Variants in SPIDR observed in about 807,000 individuals in gnomAD.
The protein encoded by SPIDR is DNA repair-scaffolding protein.
A neutral mutation model predicts 104.6 loss-of-function variants in SPIDR; 93 were observed. That is an observed-to-expected ratio of 0.89 (90% CI 0.75 to 1.06). The LOEUF (loss-of-function observed/expected upper bound fraction) is 1.06. Ranked by LOEUF, SPIDR falls within the 50% of genes least tolerant of loss-of-function variation. The pLI is 0.00. For missense variants in SPIDR, 1,154 were observed against 1,111.2 expected (o/e 1.04, Z -0.55); for synonymous variants, 431 against 416.9 (o/e 1.03, Z -0.41).
At chr8:47,321,311 G>C (rs1241067148) in intron 5 of SPIDR, among the ~76,000 whole-genome samples, 3 of 152,072 alleles carry the variant, frequency 2.0e-5, no homozygotes, top group African/African-American at 7.3e-5. Context: ...CAGAGAAAGA[G>C]AGAGCCAAAT....
chr8:47,406,797 G>A (rs1168997821), intron 6 of SPIDR, among the ~76,000 whole-genome samples: 1 of 152,152 alleles, frequency 6.6e-6, no homozygotes, highest in Non-Finnish European at 1.5e-5. Context: ...TTCCTCATCT[G>A]GTTAGTTACG....
chr8:47,393,723 CT>C (rs1235017005), intron 5 of SPIDR, among the ~76,000 whole-genome samples: 10 of 75,520 alleles, frequency 1.3e-4, no homozygotes, highest in African/African-American at 1.6e-4. Flanking sequence ...CTTTCCTTTC[CT>C]TTCCTTTCCT....
At chr8:47,472,446 G>A (rs535611671) in intron 8 of SPIDR, among the ~76,000 whole-genome samples, 48 of 152,314 alleles carry the variant, frequency 3.2e-4, no homozygotes, top group Admixed American at 2.8e-3. Context: ...TCTGGGTTAA[G>A]GGGCCAGTGG....
At chr8:47,711,039 C>T (rs921779445) in intron 14 of SPIDR, among the ~76,000 whole-genome samples, 5 of 152,198 alleles carry the variant, frequency 3.3e-5, no homozygotes, top group African/African-American at 1.2e-4. Flanking sequence ...GCTGGGATTA[C>T]AGGTATGAGC....
chr8:47,486,388 G>C (rs2077620948), intron 8 of SPIDR, among the ~76,000 whole-genome samples: 1 of 152,218 alleles, frequency 6.6e-6, no homozygotes, highest in African/African-American at 2.4e-5. Flanking sequence ...TGGTGTACCT[G>C]AAAGTGACGG....
intron 14 of SPIDR, among the ~76,000 whole-genome samples, chr8:47,704,545 C>A (rs1408759801): frequency 6.6e-6 from 1 of 152,206 alleles, no homozygotes; most frequent in Non-Finnish European, 1.5e-5. Flanking sequence ...CACCCCCACC[C>A]CCAACCACAT....
At chr8:47,295,944 C>T (rs1048374512) in intron 5 of SPIDR, among the ~76,000 whole-genome samples, 4 of 152,178 alleles carry the variant, frequency 2.6e-5, no homozygotes, top group South Asian at 4.1e-4. Context: ...CACTCACCAA[C>T]GCTTGTTATC....
At position 47,378,950 on chromosome 8, in the gene SPIDR, C is replaced by A. The variant is rs564677900; in HGVS notation, c.526-17426C>A. 2.2e-4 allele frequency among the ~76,000 whole-genome samples: 33 copies of A among 152,274 alleles called. No homozygotes were observed. In the East Asian group the frequency reaches 6.2e-3, roughly 29 times the overall value. ...AGATGTAAATCTCTAAAGAGCAGAA[C>A]CTATATTTTATTCATCTTTATAGTC... On this transcript the variant is annotated intron_variant, in intron 5 of 19. Transcript: ENST00000297423.
chr8:47,363,571 G>A (rs554015716), intron 5 of SPIDR, among the ~76,000 whole-genome samples: 1 of 151,436 alleles, frequency 6.6e-6, no homozygotes, highest in African/African-American at 2.4e-5. Flanking sequence ...CCTTCTTCCC[G>A]CCCCAGGCTC....
chr8:47,631,142 A>G (rs903764264), intron 10 of SPIDR, among the ~76,000 whole-genome samples: 8 of 152,198 alleles, frequency 5.3e-5, no homozygotes, highest in African/African-American at 1.9e-4. Context: ...TGGTAGAGGC[A>G]GAAAATAAGC....
chr8:47,553,551 G>T (rs1462064111), intron 8 of SPIDR, among the ~76,000 whole-genome samples: 1 of 152,164 alleles, frequency 6.6e-6, no homozygotes, highest in Non-Finnish European at 1.5e-5. Context: ...TCTGAAGCTT[G>T]TGTGTGCATC....
intron 5 of SPIDR, among the ~76,000 whole-genome samples, chr8:47,379,955 C>T (rs1416983767): frequency 6.6e-6 from 1 of 152,176 alleles, no homozygotes; most frequent in Admixed American, 6.5e-5. Context: ...AAATTTGCTA[C>T]CTTCTCAGGA....
rs1428039157 is a variant in SPIDR at position 47,670,047 on chromosome 8, G to A, written c.1545-3754G>A. Among the ~76,000 whole-genome samples the A allele has an allele frequency of 2.6e-5, 4 of 151,978 alleles. No homozygotes were observed. In the East Asian group the frequency reaches 7.7e-4, roughly 29 times the overall value. On this transcript the variant is annotated intron_variant, in intron 10 of 19. Transcript: ENST00000297423. ...AAATAACATTTAAAGCAAAGTCTTGGGGGTATCAGTAGGAGATGACCAGGC... is the reference window on the plus strand; with the variant it reads ...AAATAACATTTAAAGCAAAGTCTTGAGGGTATCAGTAGGAGATGACCAGGC...
At chr8:47,581,759 GGGA>G (rs1328631983) in intron 8 of SPIDR, among the ~76,000 whole-genome samples, 5 of 152,250 alleles carry the variant, frequency 3.3e-5, no homozygotes, top group South Asian at 2.1e-4. Context: ...AAGGAAAAAA[GGGA>G]GGAGAAGGAA....
intron 1 of SPIDR, among the ~76,000 whole-genome samples, chr8:47,269,213 T>C (rs1586084526): frequency 2.2e-5 from 3 of 135,522 alleles, no homozygotes; most frequent in Non-Finnish European, 4.7e-5. Context: ...GCTTCAGTGA[T>C]CCATGATCGT....
intron 8 of SPIDR, among the ~76,000 whole-genome samples, chr8:47,443,806 G>A (rs2069978251): frequency 6.6e-6 from 1 of 151,070 alleles, no homozygotes; most frequent in African/African-American, 2.4e-5. Context: ...AGATACTCCT[G>A]TTGGTCCTGT....
intron 8 of SPIDR, among the ~76,000 whole-genome samples, chr8:47,496,127 G>A (rs906378415): frequency 4.0e-5 from 6 of 151,788 alleles, no homozygotes; most frequent in East Asian, 1.9e-4. Context: ...ACAAGATTAC[G>A]TCATCTGCTA....
At chr8:47,722,365 T>C (rs1436761865) in intron 16 of SPIDR, among the ~76,000 whole-genome samples, 2 of 152,222 alleles carry the variant, frequency 1.3e-5, no homozygotes, top group Admixed American at 1.3e-4. Context: ...TTTATTTTCT[T>C]GTCTTACTGC....
chr8:47,735,199 G>T, intron 19 of SPIDR, 108 bp from the exon 20 acceptor site: 1 of 1,029,050 alleles, frequency 9.7e-7, no homozygotes, highest in East Asian at 2.4e-5. Context: ...GTGGAAGGTC[G>T]TGGACTGGGG....
Sources: allele counts gnomAD v4.1 joint callset (sites outside exome capture counted in the v4.1 genomes callset), GRCh38; gene constraint gnomAD v4.1.1; transcripts MANE v1.5; gene names NCBI Gene and HGNC (gene_info 2026-07-23, HGNC 2026-07-21).